The following MAGI2 variants were observed in gnomAD, a reference collection of about 807,000 sequenced individuals.
MAGI2 encodes the protein membrane-associated guanylate kinase, WW and PDZ domain-containing protein 2.
A neutral mutation model predicts 133.3 loss-of-function variants in MAGI2; 35 were observed. The observed-to-expected ratio is 0.26, with a 90% CI of 0.20 to 0.35. MAGI2 has a LOEUF of 0.35. MAGI2 is among the 10% of genes least tolerant of loss of function. The probability of loss-of-function intolerance (pLI) is 1.00; values close to 1 mark genes in which losing one functional copy is unlikely to be tolerated. For missense variants in MAGI2, 1,636 were observed against 1,863.4 expected (o/e 0.88, Z 2.25); for synonymous variants, 729 against 710.6 (o/e 1.03, Z -0.41).
rs539453597 is a variant in MAGI2 at position 78,548,948 on chromosome 7, A to T, written c.539-27303T>A. Among the ~76,000 whole-genome samples the T allele has an allele frequency of 7.2e-4, 109 of 152,364 alleles. 2 individuals carry two copies. The highest frequency in any genetic ancestry group is 2.6e-3 in the African/African-American group (107 of 41,584). ...TGCTTTAAAAAGCATACTGCCTTTC[A>T]AAATGTATGTGCCCTTTTTACTATT... On this transcript the variant is annotated intron_variant, in intron 3 of 21. Coordinates refer to ENST00000354212, the MANE Select transcript of MAGI2 (RefSeq NM_012301.4).
At chr7:78,824,774 T>G (rs182600045) in intron 2 of MAGI2, among the ~76,000 whole-genome samples, 1 of 152,332 alleles carries the variant, frequency 6.6e-6, no homozygotes, top group East Asian at 1.9e-4. Flanking sequence ...CTCTTTAGTT[T>G]ATTTGCAGCA....
intron 2 of MAGI2, among the ~76,000 whole-genome samples, chr7:78,779,554 G>A (rs949147683): frequency 3.9e-5 from 6 of 152,158 alleles, no homozygotes; most frequent in Non-Finnish European, 7.3e-5. Context: ...CAGAATAGTT[G>A]AGAAAGTTTT....
intron 1 of MAGI2, among the ~76,000 whole-genome samples, chr7:79,142,349 G>A (rs990230810): frequency 6.6e-6 from 1 of 152,102 alleles, no homozygotes; most frequent in Non-Finnish European, 1.5e-5. Flanking sequence ...ACCAACACCT[G>A]AGTTTGGTTC....
At chr7:79,054,539 C>A (rs979438297) in intron 1 of MAGI2, among the ~76,000 whole-genome samples, 1 of 152,112 alleles carries the variant, frequency 6.6e-6, no homozygotes, top group African/African-American at 2.4e-5. Flanking sequence ...CTTGTCGATT[C>A]CACAGTGAAC....
At chr7:78,469,460 C>A (rs529227794) in intron 6 of MAGI2, among the ~76,000 whole-genome samples, 1 of 152,252 alleles carries the variant, frequency 6.6e-6, no homozygotes, top group African/African-American at 2.4e-5. Context: ...AGAACATGTG[C>A]TACACAACTG....
chr7:78,587,103 A>C (rs1215088564), intron 3 of MAGI2, among the ~76,000 whole-genome samples: 2 of 152,136 alleles, frequency 1.3e-5, no homozygotes, highest in Non-Finnish European at 2.9e-5. Context: ...CCCAGAAGTG[A>C]AATTGCTGGA....
chr7:79,032,440 C>T (rs1306972643), intron 1 of MAGI2, among the ~76,000 whole-genome samples: 3 of 150,534 alleles, frequency 2.0e-5, no homozygotes, highest in Non-Finnish European at 4.4e-5. Context: ...CTCACTTGAA[C>T]CCAGGAGGTG....
At chr7:78,735,684 C>A (rs1451821373) in intron 2 of MAGI2, among the ~76,000 whole-genome samples, 1 of 152,102 alleles carries the variant, frequency 6.6e-6, no homozygotes, top group Non-Finnish European at 1.5e-5. Context: ...TTTAAATAAA[C>A]CTAAATGAGT....
At chr7:78,291,712 C>T (rs1453407647) in intron 9 of MAGI2, among the ~76,000 whole-genome samples, 1 of 152,184 alleles carries the variant, frequency 6.6e-6, no homozygotes, top group Non-Finnish European at 1.5e-5. Context: ...AATCCAGCAG[C>T]ACATCAAGAA....
intron 2 of MAGI2, among the ~76,000 whole-genome samples, chr7:78,857,203 G>A (rs1793727091): frequency 6.6e-6 from 1 of 152,194 alleles, no homozygotes; most frequent in Non-Finnish European, 1.5e-5. Context: ...TGCAAACAGG[G>A]ACAATTTGAC....
intron 2 of MAGI2, among the ~76,000 whole-genome samples, chr7:78,834,154 G>A (rs1173522525): frequency 6.6e-6 from 1 of 152,064 alleles, no homozygotes; most frequent in Non-Finnish European, 1.5e-5. Context: ...GACAATATGG[G>A]CATGGCTTCA....
Position 78,350,586 on chromosome 7 carries a change from G to A in MAGI2, c.1104-4543C>T, listed in dbSNP as rs548980410. 31 of 152,288 alleles carry A rather than the reference G, an allele frequency of 2.0e-4. 1 individual carries two copies. The highest frequency in any genetic ancestry group is 6.7e-4 in the African/African-American group (28 of 41,558). 9.4% of individuals were successfully genotyped at this position (152,288 alleles called of 1,614,324 possible). A position where few individuals can be genotyped will look rare whatever the true frequency, so the allele number is the denominator to read the frequency against. ...CTATATGTGGCCTCAGGGAGGATTA[G>A]GAAATGCAACTTTGCTCCTGAAGAG... On this transcript the variant is annotated intron_variant, in intron 7 of 21. Transcript: ENST00000354212.
At chr7:79,154,800 G>C (rs1823602035) in intron 1 of MAGI2, among the ~76,000 whole-genome samples, 1 of 152,076 alleles carries the variant, frequency 6.6e-6, no homozygotes, top group Non-Finnish European at 1.5e-5. Context: ...CATGGTACCT[G>C]TCTGCCTGGA....
At chr7:79,091,767 T>G (rs1023985348) in intron 1 of MAGI2, among the ~76,000 whole-genome samples, 6 of 151,960 alleles carry the variant, frequency 3.9e-5, no homozygotes, top group African/African-American at 1.4e-4. Context: ...CACAGATGAA[T>G]GGACATGGCT....
chr7:79,079,768 T>C (rs1216063082), intron 1 of MAGI2, among the ~76,000 whole-genome samples: 1 of 152,142 alleles, frequency 6.6e-6, no homozygotes, highest in Admixed American at 6.6e-5. Flanking sequence ...ACTTTTTGAC[T>C]ATAAATTTAC....
intron 1 of MAGI2, among the ~76,000 whole-genome samples, chr7:79,027,565 T>C (rs1161682219): frequency 6.6e-6 from 1 of 152,110 alleles, no homozygotes; most frequent in East Asian, 1.9e-4. Flanking sequence ...GGTCAAAGGG[T>C]ACAAAATCTC....
intron 1 of MAGI2, among the ~76,000 whole-genome samples, chr7:79,196,454 T>G (rs1828091558): frequency 6.6e-6 from 1 of 152,026 alleles, no homozygotes; most frequent in South Asian, 2.1e-4. Context: ...ACTCTAATCT[T>G]GCTATTTGTT....
intron 1 of MAGI2, among the ~76,000 whole-genome samples, chr7:79,279,677 G>A (rs1281565084): frequency 1.3e-5 from 2 of 152,016 alleles, no homozygotes; most frequent in Non-Finnish European, 2.9e-5. Flanking sequence ...TCAAAGAAGT[G>A]GATTATTTTG....
intron 1 of MAGI2, among the ~76,000 whole-genome samples, chr7:79,134,233 T>G (rs886081024): frequency 5.9e-5 from 9 of 152,308 alleles, no homozygotes; most frequent in African/African-American, 1.7e-4. Flanking sequence ...ACTGAAGATA[T>G]AGTGGAATAC....
Sources: gnomAD v4.1 joint callset for allele counts (sites outside exome capture counted in the v4.1 genomes callset) on GRCh38, gnomAD v4.1.1 for gene constraint, MANE v1.5 for transcripts, NCBI Gene and HGNC (gene_info 2026-07-23, HGNC 2026-07-21) for gene names.